The following PRELID2 variants were observed in gnomAD, a reference collection of about 807,000 sequenced individuals.
The protein encoded by PRELID2 is PRELI domain-containing protein 2.
PRELID2 carries 25 observed loss-of-function variants against 28.4 expected under a neutral mutation model. That is an observed-to-expected ratio of 0.88 (90% CI 0.64 to 1.23). The LOEUF (loss-of-function observed/expected upper bound fraction) is 1.23, where lower values mean the gene tolerates loss of function less well. Among genes scored for constraint, PRELID2 ranks in the 50% most tolerant of loss-of-function variants. The pLI is 0.00. For synonymous variants in PRELID2, 76 were observed against 71.6 expected (o/e 1.06, Z -0.31); for missense variants, 201 against 214.4 (o/e 0.94, Z 0.39).
At chr5:145,702,430 T>C (rs1011444507) in intron 1 of PRELID2, among the ~76,000 whole-genome samples, 1 of 152,242 alleles carries the variant, frequency 6.6e-6, no homozygotes, top group African/African-American at 2.4e-5. Flanking sequence ...GTTTCTTTTT[T>C]CTTATTTTGG....
intron 5 of PRELID2, among the ~76,000 whole-genome samples, chr5:145,776,006 C>T (rs540498593): frequency 6.5e-4 from 97 of 148,224 alleles, no homozygotes; most frequent in Non-Finnish European, 1.1e-3. Flanking sequence ...TAAAAATAAA[C>T]CATGGGCTGT....
At chr5:145,387,670 A>G in the PRELID2 span, among the ~76,000 whole-genome samples, 1 of 152,156 alleles carries the variant, frequency 6.6e-6, no homozygotes, top group Non-Finnish European at 1.5e-5. Context: ...GGTGGCTCAC[A>G]TCTGTAATAC....
At chr5:145,714,276 T>C (rs1755784362) in intron 1 of PRELID2, among the ~76,000 whole-genome samples, 2 of 152,156 alleles carry the variant, frequency 1.3e-5, no homozygotes, top group Admixed American at 6.5e-5. Context: ...GTGTGACAGA[T>C]TGGCATGAAA....
At chr5:145,611,320 C>T (rs1260183592) in intron 1 of PRELID2, among the ~76,000 whole-genome samples, 5 of 152,118 alleles carry the variant, frequency 3.3e-5, no homozygotes, top group East Asian at 1.9e-4. Flanking sequence ...TGCACCAACA[C>T]GACTGGCTAA....
the PRELID2 span, among the ~76,000 whole-genome samples, chr5:145,373,927 A>G: frequency 9.8e-4 from 137 of 140,004 alleles, 2 homozygotes; most frequent in East Asian, 8.7e-3. Context: ...GATATTATAT[A>G]TTATAACATA....
chr5:145,400,861 G>T, the PRELID2 span, among the ~76,000 whole-genome samples: 4 of 152,100 alleles, frequency 2.6e-5, no homozygotes, highest in Admixed American at 2.0e-4. Flanking sequence ...GATAATCAAA[G>T]AAAACATTAG....
At chr5:145,742,179 AAT>A (rs1756838938) in intron 1 of PRELID2, among the ~76,000 whole-genome samples, 3 of 92,602 alleles carry the variant, frequency 3.2e-5, no homozygotes, top group South Asian at 3.8e-4. Flanking sequence ...ATTAATTATA[AAT>A]TTATATATAA....
intron 5 of PRELID2, among the ~76,000 whole-genome samples, chr5:145,773,253 T>C (rs749688602): frequency 1.3e-5 from 2 of 152,014 alleles, no homozygotes; most frequent in Non-Finnish European, 2.9e-5. Flanking sequence ...TAAAGAGATT[T>C]CCTGCAATCA....
chr5:145,497,597 A>G lies in PRELID2; in HGVS notation n.71-24282T>C, dbSNP rs1752320057. ...TCCAGGTAAGTAGAAACGCCTGCAT[A>G]CTAGCTATTAGACAAGTAAGTGGAA... On this transcript the variant is annotated intron_variant and non_coding_transcript_variant, in intron 1 of 2. Coordinates refer to the PRELID2 transcript ENST00000510259. Among the ~76,000 whole-genome samples, 3 of 152,178 alleles carry G rather than the reference A, an allele frequency of 2.0e-5. No individual in the cohort carries two copies. The South Asian group carries it at 6.2e-4, about 31-fold the overall frequency.
the PRELID2 span, among the ~76,000 whole-genome samples, chr5:145,363,006 A>G: frequency 6.6e-6 from 1 of 151,780 alleles, no homozygotes; most frequent in Non-Finnish European, 1.5e-5. Flanking sequence ...CAATGTCAAA[A>G]GATGTAAATC....
At chr5:145,403,476 T>C in the PRELID2 span, among the ~76,000 whole-genome samples, 15 of 152,208 alleles carry the variant, frequency 9.9e-5, no homozygotes, top group African/African-American at 3.1e-4. Context: ...GTATGAAGAA[T>C]GGGGCCTGGT....
intron 1 of PRELID2, among the ~76,000 whole-genome samples, chr5:145,593,782 A>C (rs565031453): frequency 1.6e-4 from 25 of 152,174 alleles, no homozygotes; most frequent in Non-Finnish European, 3.2e-4. Flanking sequence ...ATCAGAAGAA[A>C]AAAGATGTGG....
At chr5:145,252,845 A>G in the PRELID2 span, among the ~76,000 whole-genome samples, 11 of 152,158 alleles carry the variant, frequency 7.2e-5, no homozygotes, top group African/African-American at 2.4e-4. Flanking sequence ...CTAAAGTCAT[A>G]TATTTTATGT....
intron 1 of PRELID2, among the ~76,000 whole-genome samples, chr5:145,636,190 G>A (rs953379022): frequency 6.6e-6 from 1 of 152,160 alleles, no homozygotes; most frequent in Non-Finnish European, 1.5e-5. Context: ...ACCCAATGTA[G>A]AGATGACAAA....
chr5:145,702,155 A>AT (rs1285454232), intron 1 of PRELID2, among the ~76,000 whole-genome samples: 2 of 152,054 alleles, frequency 1.3e-5, no homozygotes, highest in Non-Finnish European at 2.9e-5. Flanking sequence ...ATGCTTAAGT[A>AT]TTTTTAATGC....
chr5:145,571,648 G>C (rs918724797), intron 1 of PRELID2, among the ~76,000 whole-genome samples: 4 of 152,058 alleles, frequency 2.6e-5, no homozygotes, highest in Non-Finnish European at 4.4e-5. Context: ...AATTAACTAA[G>C]AGTCTGGCAC....
intron 5 of PRELID2, among the ~76,000 whole-genome samples, chr5:145,768,254 G>A (rs908953350): frequency 2.7e-5 from 4 of 149,906 alleles, no homozygotes; most frequent in Non-Finnish European, 5.9e-5. Flanking sequence ...AAGAATTAGG[G>A]GAAAGGGGAT....
chr5:145,250,283 C>A, the PRELID2 span, among the ~76,000 whole-genome samples: 1 of 152,098 alleles, frequency 6.6e-6, no homozygotes, highest in Admixed American at 6.6e-5. Flanking sequence ...AAAGGACTTT[C>A]ACCTAATATA....
chr5:145,515,606 A>G (rs1201002251), intron 1 of PRELID2, among the ~76,000 whole-genome samples: 1 of 152,208 alleles, frequency 6.6e-6, no homozygotes. Flanking sequence ...TATTCCAAAC[A>G]ATAGAAAAAG....
Sources: allele counts gnomAD v4.1 joint callset (sites outside exome capture counted in the v4.1 genomes callset), GRCh38; gene constraint gnomAD v4.1.1; transcripts MANE v1.5; gene names NCBI Gene and HGNC (gene_info 2026-07-23, HGNC 2026-07-21).